Variants in ARHGAP8 observed in about 807,000 individuals in gnomAD.
ARHGAP8 encodes the protein Rho GTPase activating protein 8.
Under a neutral mutation model 46.1 loss-of-function variants are expected in ARHGAP8, and 62 were observed. The observed-to-expected ratio is 1.34, with a 90% confidence interval of 1.10 to 1.66. The LOEUF (loss-of-function observed/expected upper bound fraction) is 1.66. Ranked by LOEUF, ARHGAP8 falls within the 40% of genes most tolerant of loss-of-function variation. The pLI is 0.00. For synonymous variants in ARHGAP8, 375 were observed against 243.1 expected (o/e 1.54, Z -5.05); for missense variants, 923 against 568.4 (o/e 1.62, Z -6.34).
At chr22:44,801,644 C>T (rs988777126) in intron 2 of ARHGAP8, among the ~76,000 whole-genome samples, 1 of 152,230 alleles carries the variant, frequency 6.6e-6, no homozygotes, top group Non-Finnish European at 1.5e-5. Context: ...GACATGAGGT[C>T]ATGCCCAGGA....
At chr22:44,847,686 G>C (rs1439011478) in intron 8 of ARHGAP8, among the ~76,000 whole-genome samples, 2 of 152,140 alleles carry the variant, frequency 1.3e-5, no homozygotes, top group Non-Finnish European at 2.9e-5. Context: ...AGGCAGATAG[G>C]CTCAGAGAGG....
At chr22:44,854,037 A>C (rs2070160099) in intron 10 of ARHGAP8, among the ~76,000 whole-genome samples, 2 of 131,928 alleles carry the variant, frequency 1.5e-5, no homozygotes, top group Non-Finnish European at 3.2e-5. Context: ...AAAAAAAAAA[A>C]AAAAAAAAAA....
chr22:44,845,248 C>G, intron 7 of ARHGAP8, 21 bp from the exon 8 acceptor site: 2 of 1,614,012 alleles, frequency 1.2e-6, no homozygotes, highest in Non-Finnish European at 1.7e-6. Context: ...AAAACTGCGA[C>G]TTTCTTTTCT....
chr22:44,817,987 T>C (rs5766055), intron 5 of ARHGAP8, among the ~76,000 whole-genome samples: 27,986 of 151,998 alleles, frequency 0.18, 4,371 homozygotes, highest in African/African-American at 0.4. Flanking sequence ...TGGTGGCGCG[T>C]ACCTTAGTCC....
intron 11 of ARHGAP8, among the ~76,000 whole-genome samples, chr22:44,860,345 T>G (rs977151397): frequency 1.5e-4 from 23 of 152,226 alleles, no homozygotes; most frequent in South Asian, 4.1e-4. Flanking sequence ...CTGTGCTCCT[T>G]CCAGAGGCTC....
intron 4 of ARHGAP8, among the ~76,000 whole-genome samples, chr22:44,813,184 G>T (rs1387231686): frequency 6.6e-6 from 1 of 152,024 alleles, no homozygotes; most frequent in Non-Finnish European, 1.5e-5. Flanking sequence ...CTTTTGGGGT[G>T]TTATGGCTCC....
intron 11 of ARHGAP8, among the ~76,000 whole-genome samples, chr22:44,862,009 G>T (rs375836326): frequency 1.3e-4 from 20 of 152,208 alleles, no homozygotes; most frequent in African/African-American, 4.8e-4. Flanking sequence ...CAGTGGAAGA[G>T]GAGATAGTGG....
intron 10 of ARHGAP8, among the ~76,000 whole-genome samples, chr22:44,856,290 GAGAC>G (rs1399104772): frequency 2.6e-5 from 1 of 38,740 alleles, no homozygotes; most frequent in Non-Finnish European, 4.6e-5. Context: ...TTTTTTTTTT[GAGAC>G]AAAGTCTCAC....
chr22:44,752,934 C>A (rs1924360925), intron 1 of ARHGAP8, among the ~76,000 whole-genome samples: 1 of 152,004 alleles, frequency 6.6e-6, no homozygotes, highest in Non-Finnish European at 1.5e-5. Flanking sequence ...CCTTCCCCGC[C>A]CTCGCCTCTC....
At chr22:44,797,324 T>G (rs1344672905) in intron 2 of ARHGAP8, among the ~76,000 whole-genome samples, 1 of 151,964 alleles carries the variant, frequency 6.6e-6, no homozygotes, top group Non-Finnish European at 1.5e-5. Context: ...CCCATCACTT[T>G]AGGAGCAAAG....
rs150051686 is a variant in ARHGAP8 at position 44,771,653 on chromosome 22, C to T, written c.-71-14804C>T. 1.8e-4 allele frequency among the ~76,000 whole-genome samples: 28 copies of T among 152,022 alleles called. No homozygotes were observed. In the East Asian group the frequency reaches 4.1e-3, roughly 22 times the overall value. On this transcript the variant is annotated intron_variant, in intron 1 of 11. Transcript: ENST00000356099. ...CGCTGCAACCTCTGCCTTCCGGGTT[C>T]AAGCGATTCTCCTGCCTCAGACTCC...
intron 1 of ARHGAP8, among the ~76,000 whole-genome samples, chr22:44,780,432 G>A (rs2349846): frequency 0.87 from 133,087 of 152,198 alleles, 58,273 homozygotes; most frequent in Non-Finnish European, 0.89. Context: ...ATGCCAAGGC[G>A]GGTGGACCAT....
chr22:44,827,336 G>GTTTTTTTTTTTTTTTTTTTTTTTTTT (rs796490147), intron 7 of ARHGAP8, among the ~76,000 whole-genome samples: 1 of 67,258 alleles, frequency 1.5e-5, no homozygotes, highest in African/African-American at 5.9e-5. Context: ...TTGGGTGGTG[G>GTTTTTTTTTTTTTTTTTTTTTTTTTT]TTTTTTTTTT....
At chr22:44,861,182 G>C (rs978357247) in intron 11 of ARHGAP8, among the ~76,000 whole-genome samples, 4 of 152,104 alleles carry the variant, frequency 2.6e-5, no homozygotes, top group African/African-American at 9.7e-5. Flanking sequence ...ACATTGGCCA[G>C]GCTGATCTTG....
intron 2 of ARHGAP8, among the ~76,000 whole-genome samples, chr22:44,794,323 G>A (rs981341849): frequency 6.6e-6 from 1 of 152,174 alleles, no homozygotes; most frequent in Non-Finnish European, 1.5e-5. Flanking sequence ...CCAAAGAGGC[G>A]CCAGCCCAGC....
intron 1 of ARHGAP8, among the ~76,000 whole-genome samples, chr22:44,785,872 C>G (rs1214572209): frequency 6.6e-6 from 1 of 152,194 alleles, no homozygotes; most frequent in South Asian, 2.1e-4. Flanking sequence ...TTCGGCAGCA[C>G]TGGCTTCCTG....
intron 5 of ARHGAP8, among the ~76,000 whole-genome samples, chr22:44,818,321 T>C (rs1929892453): frequency 6.6e-6 from 1 of 151,762 alleles, no homozygotes. Context: ...TGGTGGCGCA[T>C]GACTGTAATC....
At chr22:44,852,323 T>C (rs909254896) in intron 10 of ARHGAP8, among the ~76,000 whole-genome samples, 1 of 152,018 alleles carries the variant, frequency 6.6e-6, no homozygotes, top group Non-Finnish European at 1.5e-5. Flanking sequence ...CAATTCCTTT[T>C]GTCATTCCGC....
intron 7 of ARHGAP8, among the ~76,000 whole-genome samples, chr22:44,827,999 G>A (rs1381465193): frequency 6.6e-6 from 1 of 152,180 alleles, no homozygotes; most frequent in Non-Finnish European, 1.5e-5. Flanking sequence ...TAGTGCAGAT[G>A]CTGAATTGCT....
Sources: allele counts gnomAD v4.1 joint callset (sites outside exome capture counted in the v4.1 genomes callset), GRCh38; gene constraint gnomAD v4.1.1; transcripts MANE v1.5; gene names NCBI Gene and HGNC (gene_info 2026-07-23, HGNC 2026-07-21).